The following SMYD2 variants were observed in gnomAD, a reference collection of about 807,000 sequenced individuals.
The protein encoded by SMYD2 is SET and MYND domain containing 2, also known as N-lysine methyltransferase SMYD2.
Under a neutral mutation model 59.1 loss-of-function variants are expected in SMYD2, and 53 were observed. That is an observed-to-expected ratio of 0.90 (90% CI 0.72 to 1.13). The LOEUF (loss-of-function observed/expected upper bound fraction) is 1.13, where lower values mean the gene tolerates loss of function less well. Among genes scored for constraint, SMYD2 ranks in the 50% most tolerant of loss-of-function variants. SMYD2 has a pLI of 0.00. For synonymous variants in SMYD2, 208 were observed against 198.8 expected, an observed-to-expected ratio of 1.05 and a Z score of -0.39; for missense variants, 494 against 544.7, an observed-to-expected ratio of 0.91 and a Z score of 0.93.
chr1:214,318,291 A>G lies in SMYD2; in HGVS notation c.409+152A>G, dbSNP rs374274135. 3.3e-3 allele frequency: 2,346 copies of G among 709,556 alleles called. 75 individuals carry two copies. In the South Asian group the frequency reaches 0.045, roughly 14 times the overall value. The allele number at this position is 709,556 out of a possible 1,614,324, so 44.0% of individuals were successfully genotyped here. On this transcript the variant is annotated intron_variant, in intron 4 of 11. Coordinates refer to ENST00000366957, the MANE Select transcript of SMYD2 (RefSeq NM_020197.3). This position sits in a 1 kb window ranked among gnomAD's most constrained non-coding sequence, Gnocchi z 5.4. ...TTATTTTTACTCTTGTGCTGTTTCGAAAAGCACTTTTAGCTTTTTTCTTCT... is the reference window on the plus strand; with the variant it reads ...TTATTTTTACTCTTGTGCTGTTTCGGAAAGCACTTTTAGCTTTTTTCTTCT...
At chr1:214,305,628 G>T (rs750384754) in intron 2 of SMYD2, among the ~76,000 whole-genome samples, 36 of 152,164 alleles carry the variant, frequency 2.4e-4, no homozygotes, top group Non-Finnish European at 1.9e-4. Context: ...TCCATAGCAG[G>T]CTACATCTTA....
At chr1:214,286,321 G>A (rs1295936838) in intron 1 of SMYD2, among the ~76,000 whole-genome samples, 1 of 152,010 alleles carries the variant, frequency 6.6e-6, no homozygotes, top group East Asian at 1.9e-4. Flanking sequence ...ATTTTATTTA[G>A]TTTAGCCAGC....
At chr1:214,290,355 A>T (rs1656616407) in intron 1 of SMYD2, among the ~76,000 whole-genome samples, 2 of 152,224 alleles carry the variant, frequency 1.3e-5, no homozygotes, top group Admixed American at 1.3e-4. Flanking sequence ...TATTAACATA[A>T]AATCTAGCGA....
rs1349143685 is a variant in SMYD2, at chr1:214,327,867, T to C, written c.705+143T>C. 9 of 631,734 alleles carry C rather than the reference T, an allele frequency of 1.4e-5. No homozygotes were observed. The Admixed American group carries it at 2.1e-4, about 15-fold the overall frequency. The allele number at this position is 631,734 out of a possible 1,614,324, so 39.1% of individuals were successfully genotyped here. On this transcript the variant is annotated intron_variant, in intron 7 of 11. Transcript: ENST00000366957. ...TTTAGCTGAGTCTGCCCTCAGGCTCTCCAGGAGTCAGTGATCAGATTTGTA... is the reference window on the plus strand; with the variant it reads ...TTTAGCTGAGTCTGCCCTCAGGCTCCCCAGGAGTCAGTGATCAGATTTGTA...
In SMYD2 at chr1:214,304,993, A is replaced by G. The variant is rs1037546419; in HGVS notation, c.174-194A>G. Among the ~76,000 whole-genome samples the G allele has an allele frequency of 5.3e-5, 8 of 152,052 alleles. No homozygotes were observed. In the South Asian group the frequency reaches 6.2e-4, roughly 12 times the overall value. ...TTTGGTAAATGTGAGTGCATGCACTATTTGACTCACTCACTCCTCAAGGGC... is the reference window on the plus strand; with the variant it reads ...TTTGGTAAATGTGAGTGCATGCACTGTTTGACTCACTCACTCCTCAAGGGC... On this transcript the variant is annotated intron_variant, in intron 1 of 11. Coordinates refer to ENST00000366957, the MANE Select transcript of SMYD2 (RefSeq NM_020197.3).
intron 2 of SMYD2, 106 bp downstream of exon 2, chr1:214,305,356 T>A: frequency 8.9e-7 from 1 of 1,119,906 alleles, no homozygotes; most frequent in Non-Finnish European, 1.4e-6. Flanking sequence ...CTGGAAAGCA[T>A]AGGATGTGGC....
intron 1 of SMYD2, among the ~76,000 whole-genome samples, chr1:214,304,596 C>T (rs1225837415): frequency 2.1e-5 from 3 of 143,550 alleles, no homozygotes; most frequent in Non-Finnish European, 3.0e-5. Flanking sequence ...TCTATCTCCA[C>T]TTGCTAGGTT....
At chr1:214,284,414 C>CCA (rs1410924912) in intron 1 of SMYD2, among the ~76,000 whole-genome samples, 3 of 151,764 alleles carry the variant, frequency 2.0e-5, no homozygotes, top group African/African-American at 7.2e-5. Flanking sequence ...GAATGCGTCA[C>CCA]CACACCTGGC....
At chr1:214,314,606 G>GT (rs1657050664) in intron 2 of SMYD2, among the ~76,000 whole-genome samples, 156 bp from the exon 3 acceptor site, 1 of 152,178 alleles carries the variant, frequency 6.6e-6, no homozygotes, top group South Asian at 2.1e-4. Flanking sequence ...CTTAAAGGAT[G>GT]TTTTTATCTC....
intron 1 of SMYD2, among the ~76,000 whole-genome samples, chr1:214,301,870 A>G (rs1656830279): frequency 6.6e-6 from 1 of 151,826 alleles, no homozygotes; most frequent in African/African-American, 2.4e-5. Flanking sequence ...TGAGATACCC[A>G]CTGGACTTCA....
At chr1:214,334,748 A>G (rs1030736416) in intron 11 of SMYD2, among the ~76,000 whole-genome samples, 3 of 152,244 alleles carry the variant, frequency 2.0e-5, no homozygotes, top group Non-Finnish European at 2.9e-5. Context: ...GACCAGTTAC[A>G]TACCAAGACC....
Position 214,336,711 on chromosome 1 carries a change from C to T in SMYD2, c.1229C>T (p.Ala410Val). Residue 410 changes from alanine to valine, a missense_variant, in exon 12 of 12, where the codon GCA (alanine) becomes GTA (valine). Coordinates refer to ENST00000366957, the MANE Select transcript of SMYD2 (RefSeq NM_020197.3). ...TGTCTTGCTTTTTCCTAGGCCATTG[C>T]AATCATGGAAGTAGCTCACGGCAAA... Reference protein sequence around the residue: ...AGEKALKKAIAIMEVAHGKDH... With the variant: ...AGEKALKKAIVIMEVAHGKDH... 1.2e-6 allele frequency: 2 copies of T among 1,613,592 alleles called. No homozygotes were observed. Among genetic ancestry groups the T allele is most frequent in the East Asian group, 2.2e-5 (1 of 44,828 alleles).
chr1:214,299,000 A>C (rs1171063226), intron 1 of SMYD2, among the ~76,000 whole-genome samples: 2 of 152,116 alleles, frequency 1.3e-5, no homozygotes, highest in Non-Finnish European at 2.9e-5. Flanking sequence ...CAAAATAGCA[A>C]ATTAGCCGGA....
intron 1 of SMYD2, 26 bp downstream of exon 1, chr1:214,281,453 G>A (rs755507321): frequency 7.3e-7 from 1 of 1,376,492 alleles, no homozygotes; most frequent in Non-Finnish European, 9.4e-7. Context: ...CGGCGGCGGC[G>A]GGCGGGAGCC....
In SMYD2 at chr1:214,314,746, T is replaced by C; in HGVS notation, c.238-16T>C. ...TATGTGCTATTTTTTAATAATGTTTTTTTCAATCTTCCCAGAAAGAAGATT... is the reference window on the plus strand; with the variant it reads ...TATGTGCTATTTTTTAATAATGTTTCTTTCAATCTTCCCAGAAAGAAGATT... On this transcript the variant is annotated splice_polypyrimidine_tract_variant and intron_variant, in intron 2 of 11. Coordinates refer to ENST00000366957, the MANE Select transcript of SMYD2 (RefSeq NM_020197.3). 6.2e-7 allele frequency: 1 copy of C among 1,600,080 alleles called. No individual in the cohort carries two copies. The highest frequency in any genetic ancestry group is 8.6e-7 in the Non-Finnish European group (1 of 1,167,574).
At chr1:214,310,047 A>G (rs1184749935) in intron 2 of SMYD2, among the ~76,000 whole-genome samples, 3 of 152,256 alleles carry the variant, frequency 2.0e-5, no homozygotes, top group African/African-American at 7.2e-5. Flanking sequence ...TTAGAAGAAT[A>G]GAAACACCAA....
At chr1:214,292,072 C>G (rs1343596454) in intron 1 of SMYD2, among the ~76,000 whole-genome samples, 1 of 142,748 alleles carries the variant, frequency 7.0e-6, no homozygotes, top group Non-Finnish European at 1.5e-5. Context: ...CACTCAGCTA[C>G]TAAATATTTT....
chr1:214,334,727 A>T (rs533909537), intron 11 of SMYD2, among the ~76,000 whole-genome samples: 22 of 152,358 alleles, frequency 1.4e-4, no homozygotes, highest in African/African-American at 5.3e-4. Flanking sequence ...TCATCCTCTC[A>T]GTTCATTGAG....
intron 2 of SMYD2, among the ~76,000 whole-genome samples, chr1:214,308,510 G>T (rs1160241002): frequency 6.6e-6 from 1 of 152,194 alleles, no homozygotes; most frequent in Non-Finnish European, 1.5e-5. Flanking sequence ...GGGAGTGCTT[G>T]CATGGGATCA....
Sources: allele counts gnomAD v4.1 joint callset (sites outside exome capture counted in the v4.1 genomes callset), GRCh38; gene constraint gnomAD v4.1.1; non-coding constraint Gnocchi (gnomAD v3.1); transcripts MANE v1.5; gene names NCBI Gene and HGNC (gene_info 2026-07-23, HGNC 2026-07-21).